Variants in DACH1 observed in about 807,000 individuals in gnomAD.
DACH1 encodes the protein dachshund family transcription factor 1.
A neutral mutation model predicts 54.2 loss-of-function variants in DACH1; 12 were observed. That is an observed-to-expected ratio of 0.22 (90% CI 0.14 to 0.36). The LOEUF (loss-of-function observed/expected upper bound fraction) is 0.36. Among genes scored for constraint, DACH1 ranks in the 10% least tolerant of loss-of-function variants. DACH1 has a pLI of 1.00. For synonymous variants in DACH1, 386 were observed against 366.2 expected, an observed-to-expected ratio of 1.05 and a Z score of -0.62; for missense variants, 805 against 929.8, an observed-to-expected ratio of 0.87 and a Z score of 1.75.
chr13:71,592,523 GAAAAAAAGAAAAGAA>G (rs1873807292), intron 3 of DACH1, among the ~76,000 whole-genome samples: 1 of 122,790 alleles, frequency 8.1e-6, no homozygotes, highest in Non-Finnish European at 1.7e-5. Flanking sequence ...AAAAAGAAAA[GAAAAAAAGAAAAGAA>G]AAAAGAAGAA....
At position 71,705,131 on chromosome 13, in the gene DACH1, T is replaced by C. The variant is rs73523454; in HGVS notation, c.849-23221A>G. The stretch of plus-strand genomic sequence containing the variant: ...GATCCATTGTGTTTGGAGATAATGC[T>C]GTTCAAGATATAAGGTGTAGGACAG... On this transcript the variant is annotated intron_variant, in intron 1 of 10. Transcript: ENST00000613252. Among the ~76,000 whole-genome samples, 1,145 of 152,314 alleles carry C rather than the reference T, an allele frequency of 7.5e-3. 20 individuals are homozygous for C. Among genetic ancestry groups the C allele is most frequent in the African/African-American group, 0.026 (1,084 of 41,568 alleles).
intron 3 of DACH1, among the ~76,000 whole-genome samples, chr13:71,629,901 T>C (rs1456601175): frequency 6.6e-6 from 1 of 152,142 alleles, no homozygotes. Context: ...ATATTTGAAG[T>C]TGTGTTTGAC....
chr13:71,830,958 C>A (rs1888562921), intron 1 of DACH1, among the ~76,000 whole-genome samples: 1 of 151,788 alleles, frequency 6.6e-6, no homozygotes, highest in African/African-American at 2.4e-5. Context: ...TCCAGAGGAA[C>A]AAACTGACAA....
chr13:71,845,320 A>T (rs1229626135), intron 1 of DACH1, among the ~76,000 whole-genome samples: 1 of 152,250 alleles, frequency 6.6e-6, no homozygotes, highest in African/African-American at 2.4e-5. Context: ...GAATTTGCAC[A>T]TCATGAAAGT....
intron 1 of DACH1, among the ~76,000 whole-genome samples, chr13:71,757,365 G>A (rs916593380): frequency 3.3e-5 from 5 of 151,926 alleles, no homozygotes; most frequent in Non-Finnish European, 7.4e-5. Context: ...TAAAATAAAC[G>A]GACCAGTGGC....
intron 3 of DACH1, among the ~76,000 whole-genome samples, chr13:71,608,303 G>A (rs1035889284): frequency 3.2e-4 from 49 of 151,726 alleles, no homozygotes; most frequent in Admixed American, 2.9e-3. Context: ...ATTAAAATTC[G>A]TTTCTTCTAT....
At chr13:71,568,765 A>C (rs780541153) in intron 4 of DACH1, among the ~76,000 whole-genome samples, 2 of 152,076 alleles carry the variant, frequency 1.3e-5, no homozygotes, top group Non-Finnish European at 1.5e-5. Context: ...ATAACATCTC[A>C]AGTCTAAGTT....
Position 71,579,448 on chromosome 13 carries a change from C to A in DACH1, c.1127-6436G>T, listed in dbSNP as rs1379094858. ...GAACTAAAGAGAACGGGAAACAAAC[C>A]GTAAAATCAGATCTGATATCCAAGT... On this transcript the variant is annotated intron_variant, in intron 3 of 10. Coordinates refer to ENST00000613252, the MANE Select transcript of DACH1 (RefSeq NM_080759.6). Among the ~76,000 whole-genome samples, 8 of 151,968 alleles carry A rather than the reference C, an allele frequency of 5.3e-5. No homozygotes were observed. The South Asian group carries it at 1.5e-3, about 28-fold the overall frequency.
chr13:71,442,831 A>G (rs1468986655), intron 10 of DACH1, among the ~76,000 whole-genome samples: 1 of 152,004 alleles, frequency 6.6e-6, no homozygotes, highest in Non-Finnish European at 1.5e-5. Flanking sequence ...ATACTCTAAT[A>G]TAAGTTATGT....
intron 1 of DACH1, among the ~76,000 whole-genome samples, chr13:71,770,306 C>T (rs553777822): frequency 6.6e-6 from 1 of 151,522 alleles, no homozygotes; most frequent in African/African-American, 2.4e-5. Context: ...TCTAAAGTAT[C>T]AACAATGTTA....
intron 6 of DACH1, among the ~76,000 whole-genome samples, chr13:71,540,682 T>A (rs968842303): frequency 2.6e-5 from 4 of 152,062 alleles, no homozygotes; most frequent in African/African-American, 9.7e-5. Context: ...GGAGTAAAGA[T>A]CATTTTGAAA....
chr13:71,497,215 T>C (rs1479568318), intron 6 of DACH1, among the ~76,000 whole-genome samples: 1 of 152,212 alleles, frequency 6.6e-6, no homozygotes, highest in Non-Finnish European at 1.5e-5. Flanking sequence ...AAAGTATGAA[T>C]GGATGAATAA....
chr13:71,784,732 C>G (rs1477720970), intron 1 of DACH1, among the ~76,000 whole-genome samples: 1 of 152,118 alleles, frequency 6.6e-6, no homozygotes, highest in African/African-American at 2.4e-5. Context: ...GTACTAGAAA[C>G]AGAGATAAAT....
intron 1 of DACH1, among the ~76,000 whole-genome samples, chr13:71,859,153 C>A (rs2138285492): frequency 6.6e-6 from 1 of 151,824 alleles, no homozygotes; most frequent in Middle Eastern, 3.4e-3. Flanking sequence ...GCAGAAGAAT[C>A]CCAGCTTGAA....
intron 1 of DACH1, among the ~76,000 whole-genome samples, chr13:71,728,203 G>C (rs1036369289): frequency 6.6e-6 from 1 of 151,876 alleles, no homozygotes; most frequent in African/African-American, 2.4e-5. Flanking sequence ...TAAAAAGAAA[G>C]CATTTTATTC....
intron 2 of DACH1, among the ~76,000 whole-genome samples, chr13:71,676,954 T>C (rs530550318): frequency 6.6e-6 from 1 of 152,346 alleles, no homozygotes; most frequent in East Asian, 1.9e-4. Context: ...TTTGAGTGTA[T>C]TTTTAAGATA....
At chr13:71,685,821 T>A (rs1881130549) in intron 1 of DACH1, among the ~76,000 whole-genome samples, 1 of 152,118 alleles carries the variant, frequency 6.6e-6, no homozygotes, top group African/African-American at 2.4e-5. Flanking sequence ...CTCTACCAAT[T>A]TACTAGAAGG....
chr13:71,681,467 G>C (rs978341213), intron 2 of DACH1, among the ~76,000 whole-genome samples: 1 of 152,194 alleles, frequency 6.6e-6, no homozygotes, highest in Non-Finnish European at 1.5e-5. Context: ...AGCTACAGCT[G>C]AGTGACCTTG....
chr13:71,662,885 A>T (rs1342130825), intron 2 of DACH1, among the ~76,000 whole-genome samples: 1 of 151,560 alleles, frequency 6.6e-6, no homozygotes, highest in East Asian at 1.9e-4. Context: ...CTGTTATGTA[A>T]CTCTCTTGGT....
Sources: allele counts gnomAD v4.1 joint callset (sites outside exome capture counted in the v4.1 genomes callset), GRCh38; gene constraint gnomAD v4.1.1; transcripts MANE v1.5; gene names NCBI Gene and HGNC (gene_info 2026-07-23, HGNC 2026-07-21).